The following CLEC12A variants were observed in gnomAD, a reference collection of about 807,000 sequenced individuals.
CLEC12A encodes the protein C-type lectin domain family 12 member A, also known as C-type lectin protein CLL-1.
CLEC12A carries 22 observed loss-of-function variants against 26.5 expected under a neutral mutation model. That is an observed-to-expected ratio of 0.83 (90% confidence interval 0.59 to 1.19). The LOEUF is 1.19. Ranked by LOEUF, CLEC12A falls within the 50% of genes most tolerant of loss-of-function variation. The pLI is 0.00. For missense variants in CLEC12A, 353 were observed against 315.6 expected (o/e 1.12, Z -0.90); for synonymous variants, 119 against 101.9 (o/e 1.17, Z -1.01).
chr12:9,985,640 G>T (rs1864747658), downstream of CLEC12A: 1 of 393,230 alleles, frequency 2.5e-6, no homozygotes, highest in Non-Finnish European at 4.5e-6. Flanking sequence ...TTGAGCTACT[G>T]TAAGCTTGGC....
At chr12:9,990,609 A>T (rs1414113920) in intron 4 of CLEC12A, among the ~76,000 whole-genome samples, 1 of 152,214 alleles carries the variant, frequency 6.6e-6, no homozygotes, top group Non-Finnish European at 1.5e-5. Flanking sequence ...CCTGGTGAAC[A>T]TGCTGTGAAC....
At chr12:9,963,321 T>C (rs1360791228) in intron 1 of CLEC12A, among the ~76,000 whole-genome samples, 1 of 151,796 alleles carries the variant, frequency 6.6e-6, no homozygotes, top group East Asian at 1.9e-4. Flanking sequence ...ACACTCTTCA[T>C]TTAAGAATAT....
chr12:9,964,816 A>G (rs952357794), intron 1 of CLEC12A, among the ~76,000 whole-genome samples: 45 of 152,256 alleles, frequency 3.0e-4, no homozygotes, highest in African/African-American at 1.0e-3. Context: ...TGGAACTACT[A>G]TGAATAAACT....
chr12:9,976,183 G>A (rs1449360862), intron 1 of CLEC12A, among the ~76,000 whole-genome samples: 1 of 152,166 alleles, frequency 6.6e-6, no homozygotes, highest in Non-Finnish European at 1.5e-5. Flanking sequence ...ACTGTCCAGT[G>A]GAGCAGTGAG....
At chr12:9,972,623 G>A (rs1192318775) in intron 1 of CLEC12A, among the ~76,000 whole-genome samples, 1 of 152,134 alleles carries the variant, frequency 6.6e-6, no homozygotes, top group Non-Finnish European at 1.5e-5. Flanking sequence ...TATTTAAGTT[G>A]TTGTCCTCTC....
chr12:9,990,223 A>T (rs978901381), downstream of CLEC12A, among the ~76,000 whole-genome samples: 1 of 152,224 alleles, frequency 6.6e-6, no homozygotes, highest in Non-Finnish European at 1.5e-5. Context: ...AGAAATACAC[A>T]TCATAAGGCT....
chr12:9,983,385 A>C (rs947851212), intron 5 of CLEC12A: 1 of 567,600 alleles, frequency 1.8e-6, no homozygotes, highest in African/African-American at 1.9e-5. Flanking sequence ...GTGTAGTATA[A>C]TGAGGAATGT....
downstream of CLEC12A, chr12:9,996,953 C>T: frequency 6.2e-7 from 1 of 1,614,144 alleles, no homozygotes. Flanking sequence ...TAGCAGCTAT[C>T]TCCATAATAT....
intron 1 of CLEC12A, among the ~76,000 whole-genome samples, chr12:9,963,628 C>T (rs973340261): frequency 8.6e-5 from 13 of 152,046 alleles, no homozygotes; most frequent in African/African-American, 1.7e-4. Context: ...GGGAGCTCTT[C>T]GGTCCTATTT....
chr12:9,960,190 C>G (rs896808755), intron 1 of CLEC12A, among the ~76,000 whole-genome samples: 3 of 152,164 alleles, frequency 2.0e-5, no homozygotes, highest in Admixed American at 6.5e-5. Flanking sequence ...CCAGGGGAAA[C>G]AGTCATGCTC....
At chr12:9,984,814 T>C in intron 5 of CLEC12A, 56 bp from the exon 6 acceptor site, 1 of 1,365,382 alleles carries the variant, frequency 7.3e-7, no homozygotes, top group Non-Finnish European at 9.5e-7. Context: ...TTTTTTTCTG[T>C]GAATATGTTT....
downstream of CLEC12A, chr12:9,998,973 G>C: frequency 1.1e-6 from 1 of 946,778 alleles, no homozygotes; most frequent in Non-Finnish European, 1.7e-6. Context: ...AGTAGAAAAA[G>C]AAAGAATTGA....
intron 4 of CLEC12A, chr12:9,990,959 ATAAAC>A (rs1864878898): frequency 6.6e-6 from 1 of 152,228 alleles, no homozygotes; most frequent in Non-Finnish European, 1.5e-5. Context: ...ATTTTTAGCA[ATAAAC>A]TATTTTTAAT....
chr12:9,974,404 A>C (rs1325255076), intron 1 of CLEC12A, among the ~76,000 whole-genome samples: 1 of 152,170 alleles, frequency 6.6e-6, no homozygotes, highest in African/African-American at 2.4e-5. Context: ...CTTTAAATAG[A>C]GTGACTCCCC....
chr12:10,004,036 A>G, the CLEC12A span, among the ~76,000 whole-genome samples: 1 of 152,198 alleles, frequency 6.6e-6, no homozygotes, highest in Admixed American at 6.5e-5. Flanking sequence ...TTAGCAGGGT[A>G]TGTGACGGGC....
At chr12:9,958,624 C>T (rs1478532073) in intron 1 of CLEC12A, among the ~76,000 whole-genome samples, 1 of 152,158 alleles carries the variant, frequency 6.6e-6, no homozygotes, top group South Asian at 2.1e-4. Context: ...GTAACAAAAG[C>T]CCACCACGAG....
At chr12:9,995,166 C>G in exon 5 of CLEC12A, 4 of 1,613,000 alleles carry the variant, frequency 2.5e-6, no homozygotes, top group Non-Finnish European at 3.4e-6. Flanking sequence ...CCGAGCCATC[C>G]TCCCACTTCC....
At chr12:10,003,669 G>C in the CLEC12A span, among the ~76,000 whole-genome samples, 2 of 152,140 alleles carry the variant, frequency 1.3e-5, no homozygotes, top group Non-Finnish European at 2.9e-5. Flanking sequence ...ATCCCAACAC[G>C]TTGGGAGGCC....
chr12:9,990,210 TTAAGAAATACACA>T (rs1003201265), downstream of CLEC12A, among the ~76,000 whole-genome samples: 1 of 152,160 alleles, frequency 6.6e-6, no homozygotes, highest in Admixed American at 6.5e-5. Flanking sequence ...GTTTTATTCT[TTAAGAAATACACA>T]TCATAAGGCT....
Sources: allele counts gnomAD v4.1 joint callset (sites outside exome capture counted in the v4.1 genomes callset), GRCh38; gene constraint gnomAD v4.1.1; transcripts MANE v1.5; gene names NCBI Gene and HGNC (gene_info 2026-07-23, HGNC 2026-07-21).